Variants in ENTREP2 observed in about 807,000 individuals in gnomAD.
The protein encoded by ENTREP2 is protein ENTREP2.
the ENTREP2 span, among the ~76,000 whole-genome samples, chr15:29,564,291 G>A: frequency 6.6e-6 from 1 of 152,160 alleles, no homozygotes; most frequent in Admixed American, 6.5e-5. Flanking sequence ...CTAGAACTTT[G>A]AAGTCCTTCT....
the ENTREP2 span, among the ~76,000 whole-genome samples, chr15:29,278,904 G>C: frequency 6.6e-6 from 1 of 152,190 alleles, no homozygotes; most frequent in Non-Finnish European, 1.5e-5. Context: ...CTCCAAGTCT[G>C]AGATCAAGGA....
chr15:29,371,137 A>G, the ENTREP2 span, among the ~76,000 whole-genome samples: 18 of 152,186 alleles, frequency 1.2e-4, no homozygotes, highest in African/African-American at 3.9e-4. Flanking sequence ...GGGAAGAAAG[A>G]GACAAATGGC....
the ENTREP2 span, among the ~76,000 whole-genome samples, chr15:29,337,386 G>C: frequency 2.6e-5 from 4 of 152,192 alleles, no homozygotes. Context: ...GAGGGAAGCG[G>C]AGTCAGGGAG....
chr15:29,458,294 T>C, the ENTREP2 span, among the ~76,000 whole-genome samples: 1 of 152,178 alleles, frequency 6.6e-6, no homozygotes, highest in Admixed American at 6.5e-5. Flanking sequence ...GATTGGAGGA[T>C]GCATGCCCAA....
the ENTREP2 span, among the ~76,000 whole-genome samples, chr15:29,628,301 C>T: frequency 1.2e-4 from 18 of 152,142 alleles, no homozygotes; most frequent in Non-Finnish European, 2.5e-4. Flanking sequence ...ATGTCCTTTG[C>T]CCATTTTTAA....
chr15:29,570,737 C>T, the ENTREP2 span: 1 of 966,500 alleles, frequency 1.0e-6, no homozygotes, highest in Non-Finnish European at 1.2e-6. Flanking sequence ...GCCGGGCGCC[C>T]GCACGCCTCG....
At chr15:29,158,721 A>G in the ENTREP2 span, among the ~76,000 whole-genome samples, 1 of 152,194 alleles carries the variant, frequency 6.6e-6, no homozygotes, top group Non-Finnish European at 1.5e-5. Flanking sequence ...AACGGCGAAT[A>G]TGAGAGAGAG....
chr15:29,439,289 ACACACACACACAC>A, the ENTREP2 span, among the ~76,000 whole-genome samples: 44 of 98,694 alleles, frequency 4.5e-4, 1 homozygote, highest in Middle Eastern at 9.7e-3. Flanking sequence ...GGAATTACAC[ACACACACACACAC>A]ACACACACAC....
chr15:29,207,296 A>C, the ENTREP2 span, among the ~76,000 whole-genome samples: 5 of 152,086 alleles, frequency 3.3e-5, no homozygotes, highest in African/African-American at 1.2e-4. Context: ...TCCTGGTCTC[A>C]CCGACTTCAA....
chr15:29,188,841 C>T, the ENTREP2 span, among the ~76,000 whole-genome samples: 18 of 152,280 alleles, frequency 1.2e-4, no homozygotes, highest in East Asian at 3.5e-3. Context: ...AGTTAAAAAT[C>T]GATCCTGCCT....
At chr15:29,244,421 C>T in the ENTREP2 span, among the ~76,000 whole-genome samples, 3 of 152,182 alleles carry the variant, frequency 2.0e-5, no homozygotes, top group African/African-American at 4.8e-5. Flanking sequence ...AACCTTTTTC[C>T]CTGTAAATCC....
At chr15:29,219,708 T>C in the ENTREP2 span, among the ~76,000 whole-genome samples, 1 of 136,780 alleles carries the variant, frequency 7.3e-6, no homozygotes, top group Non-Finnish European at 1.6e-5. Context: ...ATTAATGGCA[T>C]TTGCAGTGAC....
the ENTREP2 span, chr15:29,123,193 A>C: frequency 1.2e-6 from 1 of 823,462 alleles, no homozygotes; most frequent in South Asian, 2.5e-5. Context: ...CCCTGCCCAC[A>C]CCGCCCCCAG....
At chr15:29,413,130 T>C in the ENTREP2 span, among the ~76,000 whole-genome samples, 2 of 152,158 alleles carry the variant, frequency 1.3e-5, no homozygotes, top group South Asian at 2.1e-4. Context: ...GAGAATGTGA[T>C]CTCCTTGATA....
chr15:29,381,896 CTG>C, the ENTREP2 span: 1 of 1,449,526 alleles, frequency 6.9e-7, no homozygotes, highest in Non-Finnish European at 9.5e-7. Context: ...AATCAAAACA[CTG>C]TGAACCGTTT....
chr15:29,449,818 C>T, the ENTREP2 span, among the ~76,000 whole-genome samples: 3 of 152,192 alleles, frequency 2.0e-5, no homozygotes, highest in African/African-American at 4.8e-5. Flanking sequence ...TTTAAATACA[C>T]ATTCACATTA....
chr15:29,443,471 A>G, the ENTREP2 span, among the ~76,000 whole-genome samples: 3 of 152,128 alleles, frequency 2.0e-5, no homozygotes, highest in Non-Finnish European at 4.4e-5. Context: ...GTAATTATAC[A>G]CTAGCCCACC....
the ENTREP2 span, among the ~76,000 whole-genome samples, chr15:29,304,985 G>A: frequency 6.6e-6 from 1 of 152,076 alleles, no homozygotes; most frequent in African/African-American, 2.4e-5. Context: ...CACTCCCTCA[G>A]CCAACTGTAC....
the ENTREP2 span, among the ~76,000 whole-genome samples, chr15:29,184,779 C>T: frequency 6.6e-6 from 1 of 152,162 alleles, no homozygotes; most frequent in Admixed American, 6.5e-5. Context: ...TGTCCAGTGC[C>T]CTGTCCTGTG....
Sources: allele counts gnomAD v4.1 joint callset (sites outside exome capture counted in the v4.1 genomes callset), GRCh38; gene constraint gnomAD v4.1.1; transcripts MANE v1.5; gene names NCBI Gene and HGNC (gene_info 2026-07-23, HGNC 2026-07-21).